Variants in MCF2L2 observed in about 807,000 individuals in gnomAD.
MCF2L2 encodes MCF.2 cell line derived transforming sequence-like 2.
MCF2L2 carries 102 observed loss-of-function variants against 150.2 expected under a neutral mutation model. The observed-to-expected ratio is 0.68, with a 90% CI of 0.58 to 0.80. MCF2L2 has a LOEUF of 0.80. Among genes scored for constraint, MCF2L2 ranks in the 30% least tolerant of loss-of-function variants. The pLI is 0.00. For missense variants in MCF2L2, 1,256 were observed against 1,372.8 expected, an observed-to-expected ratio of 0.91 and a Z score of 1.34; for synonymous variants, 465 against 491.3, an observed-to-expected ratio of 0.95 and a Z score of 0.71.
At chr3:183,318,041 G>A in intron 7 of MCF2L2, 27 bp downstream of exon 7, 2 of 1,609,790 alleles carry the variant, frequency 1.2e-6, no homozygotes, top group Non-Finnish European at 1.7e-6. Context: ...ACAGACACTG[G>A]CCTCTGAGAG....
At chr3:183,334,749 C>A (rs775915491) in intron 5 of MCF2L2, among the ~76,000 whole-genome samples, 1 of 145,932 alleles carries the variant, frequency 6.9e-6, no homozygotes, top group African/African-American at 2.6e-5. Flanking sequence ...GCTGAGATTG[C>A]GCCATTGCAC....
At chr3:183,187,678 A>G (rs576771721) in intron 27 of MCF2L2, among the ~76,000 whole-genome samples, 1 of 152,116 alleles carries the variant, frequency 6.6e-6, no homozygotes, top group Admixed American at 6.5e-5. Flanking sequence ...CATGTTGGCC[A>G]AGATGGTCTC....
At chr3:183,277,353 A>AAAAGCAGGT (rs1258112074) in intron 14 of MCF2L2, among the ~76,000 whole-genome samples, 3,334 of 150,454 alleles carry the variant, frequency 0.022, 144 homozygotes, top group African/African-American at 0.076. Flanking sequence ...AAAAAAAAAA[A>AAAAGCAGGT]GCAGGTGTCC....
At chr3:183,255,686 G>T (rs1455009624) in intron 15 of MCF2L2, among the ~76,000 whole-genome samples, 1 of 151,918 alleles carries the variant, frequency 6.6e-6, no homozygotes, top group East Asian at 1.9e-4. Context: ...AAACTCAGAA[G>T]GTGCAGAAGA....
At chr3:183,295,863 C>T (rs1728472233) in intron 12 of MCF2L2, among the ~76,000 whole-genome samples, 1 of 152,150 alleles carries the variant, frequency 6.6e-6, no homozygotes, top group Non-Finnish European at 1.5e-5. Flanking sequence ...GAAGCTGAGG[C>T]AGGAGAATCG....
At chr3:183,202,628 A>T (rs763037947) in intron 25 of MCF2L2, among the ~76,000 whole-genome samples, 5 of 152,244 alleles carry the variant, frequency 3.3e-5, no homozygotes, top group Non-Finnish European at 7.3e-5. Flanking sequence ...TCAGGTGTTT[A>T]AAGAAATCTC....
intron 3 of MCF2L2, among the ~76,000 whole-genome samples, chr3:183,345,750 C>G (rs889422981): frequency 6.6e-6 from 1 of 152,184 alleles, no homozygotes; most frequent in Non-Finnish European, 1.5e-5. Flanking sequence ...CACCACTGAT[C>G]CCACAGAAAA....
chr3:183,238,042 T>G (rs1197071379), intron 15 of MCF2L2, among the ~76,000 whole-genome samples: 2 of 146,902 alleles, frequency 1.4e-5, no homozygotes, highest in African/African-American at 2.5e-5. Context: ...GAGTTCTAGT[T>G]TGATTGCACT....
At chr3:183,192,116 C>G (rs112188113) in intron 27 of MCF2L2, among the ~76,000 whole-genome samples, 1 of 148,276 alleles carries the variant, frequency 6.7e-6, no homozygotes, top group Non-Finnish European at 1.5e-5. Flanking sequence ...CCCAAAGTGC[C>G]GGGATTACAG....
intron 1 of MCF2L2, among the ~76,000 whole-genome samples, chr3:183,415,801 T>C (rs67273227): frequency 0.12 from 18,748 of 152,168 alleles, 1,261 homozygotes; most frequent in East Asian, 0.2. Context: ...GGAGACACTA[T>C]ATAGTTGGCT....
At chr3:183,351,214 A>ATATATATATATG in intron 3 of MCF2L2, among the ~76,000 whole-genome samples, 2 of 88,800 alleles carry the variant, frequency 2.3e-5, no homozygotes, top group Non-Finnish European at 4.1e-5. Flanking sequence ...ATATATATAT[A>ATATATATATATG]TATATATATA....
chr3:183,281,565 C>G (rs1016578365), intron 14 of MCF2L2, among the ~76,000 whole-genome samples: 3 of 152,172 alleles, frequency 2.0e-5, no homozygotes, highest in Non-Finnish European at 4.4e-5. Context: ...ACTGGGCAGT[C>G]TGTCCCCTTT....
chr3:183,290,159 T>C (rs1728041846), intron 13 of MCF2L2, among the ~76,000 whole-genome samples: 1 of 152,186 alleles, frequency 6.6e-6, no homozygotes, highest in Non-Finnish European at 1.5e-5. Context: ...TTTCAAATGC[T>C]CTCCCTCTTT....
At chr3:183,297,482 T>G in intron 11 of MCF2L2, 1 of 264,412 alleles carries the variant, frequency 3.8e-6, no homozygotes, top group Non-Finnish European at 7.4e-6. Context: ...AGACAGGGTT[T>G]CACTCTGTCA....
At chr3:183,259,530 C>G (rs1386396859) in intron 15 of MCF2L2, among the ~76,000 whole-genome samples, 1 of 151,960 alleles carries the variant, frequency 6.6e-6, no homozygotes, top group East Asian at 1.9e-4. Context: ...TCAGATTTTC[C>G]CTGCCTTTAC....
At chr3:183,230,829 TA>T in intron 16 of MCF2L2, 121 bp downstream of exon 16, 1 of 682,642 alleles carries the variant, frequency 1.5e-6, no homozygotes, top group Non-Finnish European at 2.5e-6. Flanking sequence ...TGTAATATTC[TA>T]AGACCTGAAA....
At chr3:183,333,690 G>A (rs1730356047) in intron 5 of MCF2L2, among the ~76,000 whole-genome samples, 1 of 152,100 alleles carries the variant, frequency 6.6e-6, no homozygotes, top group African/African-American at 2.4e-5. Flanking sequence ...TCAGTATGAA[G>A]TTGTGATTTC....
At chr3:183,243,471 A>C (rs2108684819) in intron 15 of MCF2L2, among the ~76,000 whole-genome samples, 1 of 152,148 alleles carries the variant, frequency 6.6e-6, no homozygotes, top group East Asian at 1.9e-4. Flanking sequence ...CCACAATTTC[A>C]GCTCTTTCTC....
chr3:183,377,002 C>G (rs1344778196), intron 3 of MCF2L2: 2 of 152,154 alleles, frequency 1.3e-5, no homozygotes, highest in Non-Finnish European at 2.9e-5. Context: ...GTGCTTTTAA[C>G]TTAAATAGTC....
Sources: allele counts gnomAD v4.1 joint callset (sites outside exome capture counted in the v4.1 genomes callset), GRCh38; gene constraint gnomAD v4.1.1; transcripts MANE v1.5; gene names NCBI Gene and HGNC (gene_info 2026-07-23, HGNC 2026-07-21).